Variants in NEDD4L observed in about 807,000 individuals in gnomAD.
NEDD4L encodes the protein NEDD4 like E3 ubiquitin protein ligase.
A neutral mutation model predicts 148.9 loss-of-function variants in NEDD4L; 54 were observed. The ratio of observed to expected loss-of-function variants is 0.36; its 90% CI spans 0.29 to 0.45. NEDD4L has a LOEUF of 0.45. Ranked by LOEUF, NEDD4L falls within the 20% of genes least tolerant of loss-of-function variation. NEDD4L has a pLI of 1.00. For missense variants in NEDD4L, 856 were observed against 1,233.8 expected (o/e 0.69, Z 4.59); for synonymous variants, 433 against 440.7 (o/e 0.98, Z 0.22).
At position 58,045,227 on chromosome 18, in the gene NEDD4L, G is replaced by A. The variant is rs1340827223; in HGVS notation, c.48+519G>A. On this transcript the variant is annotated intron_variant, in intron 1 of 30. Coordinates refer to ENST00000400345, the MANE Select transcript of NEDD4L (RefSeq NM_001144967.3). ...TGTGCGTGCTTATCCCGGCGGGAAT[G>A]GGGGACACGCTGCGTGTGTCCCTCC... 5.0e-5 allele frequency: 20 copies of A among 397,980 alleles called. No homozygotes were observed. The East Asian group carries it at 6.4e-4, about 13-fold the overall frequency. The allele number at this position is 397,980 out of a possible 1,614,324, so 24.7% of individuals were successfully genotyped here.
intron 2 of NEDD4L, among the ~76,000 whole-genome samples, chr18:58,205,308 G>A (rs2041872195): frequency 6.8e-6 from 1 of 146,424 alleles, no homozygotes; most frequent in African/African-American, 2.5e-5. Flanking sequence ...GTAATCTGTT[G>A]TGTTCACAAA....
At chr18:58,348,965 A>G (rs1351795267) in intron 16 of NEDD4L, among the ~76,000 whole-genome samples, 1 of 152,234 alleles carries the variant, frequency 6.6e-6, no homozygotes, top group Admixed American at 6.5e-5. Context: ...GTAAAGTTGT[A>G]TCATAACTTT....
chr18:58,107,962 C>G (rs945815201), intron 1 of NEDD4L, among the ~76,000 whole-genome samples: 1 of 152,146 alleles, frequency 6.6e-6, no homozygotes, highest in African/African-American at 2.4e-5. Context: ...TCAAGCAATC[C>G]TCCTGCCTTA....
In NEDD4L at chr18:58,069,136, CAAAAA is replaced by C. The variant is rs1161273608; in HGVS notation, c.48+24447_48+24451del. ...GTGTGATAGAGTGAGAATCTGTCTC[CAAAAA>C]AAAAAAAAAAAAAAAAAATAGGAAA... On this transcript the variant is annotated intron_variant, in intron 1 of 30. Coordinates refer to ENST00000400345, the MANE Select transcript of NEDD4L (RefSeq NM_001144967.3). Among the ~76,000 whole-genome samples the C allele has an allele frequency of 8.7e-4, 64 of 73,268 alleles. 1 individual carries two copies. In the South Asian group the frequency reaches 0.029, roughly 34 times the overall value. 48.1% of individuals were successfully genotyped at this position (73,268 alleles called of 152,430 possible).
rs540784556 is a variant in NEDD4L, at chr18:58,125,950, G to T, written c.49-39838G>T. ...GGCAGGTCCCGCCACCCGGGCATCCGTCTGCCTGGCGCACGCACCAAACGG... is the reference window on the plus strand; with the variant it reads ...GGCAGGTCCCGCCACCCGGGCATCCTTCTGCCTGGCGCACGCACCAAACGG... On this transcript the variant is annotated intron_variant, in intron 1 of 30. Transcript: ENST00000400345. Among the ~76,000 whole-genome samples the T allele has an allele frequency of 1.3e-4, 20 of 152,344 alleles. No homozygotes were observed. The East Asian group carries it at 2.9e-3, about 22-fold the overall frequency.
chr18:58,366,188 A>G lies in NEDD4L; in HGVS notation c.2023A>G (p.Met675Val). 6.2e-7 allele frequency: 1 copy of G among 1,612,914 alleles called. No homozygotes were observed. Among genetic ancestry groups the G allele is most frequent in the Non-Finnish European group, 8.5e-7 (1 of 1,179,430 alleles). The change falls in exon 21 of 31, where the codon ATG (methionine) becomes GTG (valine). Residue 675 changes from methionine (M) to valine (V), a missense_variant. Met to Val is a conservative substitution (Grantham distance 21). This residue lies in a region of NEDD4L where 286 missense variants were observed against 531.8 expected (regional missense o/e 0.54). Transcript: ENST00000400345. This position sits in a 1 kb window ranked among gnomAD's most constrained non-coding sequence, Gnocchi z 4.2. Reference protein sequence around the residue: ...REWFFLLSKEMFNPYYGLFEY... With the variant: ...REWFFLLSKEVFNPYYGLFEY... Reference sequence around the variant, plus strand: ...ATGGTTCTTCTTACTGTCCAAAGAGATGTTCAACCCCTACTACGGCCTCTT... The same window carrying G: ...ATGGTTCTTCTTACTGTCCAAAGAGGTGTTCAACCCCTACTACGGCCTCTT...
At chr18:58,230,550 A>T (rs997421790) in intron 2 of NEDD4L, among the ~76,000 whole-genome samples, 2 of 152,064 alleles carry the variant, frequency 1.3e-5, no homozygotes, top group Non-Finnish European at 2.9e-5. Flanking sequence ...AGAAAATTAG[A>T]TTTATGTGGA....
At position 58,104,337 on chromosome 18, in the gene NEDD4L, G is replaced by A. The variant is rs548832616; in HGVS notation, c.48+59629G>A. 1.2e-3 allele frequency among the ~76,000 whole-genome samples: 186 copies of A among 152,322 alleles called. 4 individuals carry two copies. The highest frequency in any genetic ancestry group is 6.8e-3 in the Middle Eastern group (2 of 294). On this transcript the variant is annotated intron_variant, in intron 1 of 30. Transcript: ENST00000400345. ...TTATCTCTAAGATCGGGGCTGGGGC[G>A]CGGTAGGGAAATGAGGAACAACTGC... is the stretch of plus-strand genomic sequence containing the variant.
chr18:58,076,419 C>T (rs1678689368), intron 1 of NEDD4L, among the ~76,000 whole-genome samples: 1 of 152,124 alleles, frequency 6.6e-6, no homozygotes, highest in African/African-American at 2.4e-5. Context: ...CTGCCCCAGG[C>T]TTGAGTCTAT....
intron 5 of NEDD4L, among the ~76,000 whole-genome samples, chr18:58,293,857 G>A (rs1287930946): frequency 6.6e-6 from 1 of 152,112 alleles, no homozygotes; most frequent in African/African-American, 2.4e-5. Context: ...CAAGTAGCTG[G>A]GACCACAGGC....
At chr18:58,092,733 T>TGA (rs1182073650) in intron 1 of NEDD4L, among the ~76,000 whole-genome samples, 1 of 151,136 alleles carries the variant, frequency 6.6e-6, no homozygotes, top group Non-Finnish European at 1.5e-5. Context: ...CAACAGCACT[T>TGA]GAGATGTGGT....
At chr18:58,287,536 T>C (rs1414646750) in intron 5 of NEDD4L, among the ~76,000 whole-genome samples, 1 of 152,222 alleles carries the variant, frequency 6.6e-6, no homozygotes, top group African/African-American at 2.4e-5. Flanking sequence ...CAAATTAAAG[T>C]AGTTAAGTTC....
At chr18:58,068,244 G>T (rs547453973) in intron 1 of NEDD4L, among the ~76,000 whole-genome samples, 1 of 144,400 alleles carries the variant, frequency 6.9e-6, no homozygotes, top group East Asian at 2.0e-4. Context: ...CTGTTGCCCA[G>T]GCTGGAGTGC....
intron 20 of NEDD4L, 31 bp downstream of exon 20, chr18:58,364,364 G>A (rs776781142): frequency 7.0e-7 from 1 of 1,422,868 alleles, no homozygotes. Context: ...AAAATGCTTT[G>A]TGTTAGTCAT....
intron 11 of NEDD4L, among the ~76,000 whole-genome samples, chr18:58,333,496 C>CAG (rs1411305905): frequency 6.6e-6 from 1 of 152,190 alleles, no homozygotes; most frequent in African/African-American, 2.4e-5. Context: ...AACTACAAGA[C>CAG]TGCTAGCTTC....
chr18:58,329,256 GAATT>G, intron 10 of NEDD4L, 129 bp downstream of exon 10: 3 of 1,058,416 alleles, frequency 2.8e-6, no homozygotes, highest in South Asian at 1.7e-5. Context: ...GTGACGCAGG[GAATT>G]AATTACCATC....
At chr18:58,234,112 T>TTTTCC (rs2045664315) in intron 2 of NEDD4L, among the ~76,000 whole-genome samples, 9 of 73,300 alleles carry the variant, frequency 1.2e-4, no homozygotes, top group Admixed American at 6.3e-4. Context: ...TTTTCTTTTC[T>TTTTCC]TTTCTTTTCC....
intron 2 of NEDD4L, among the ~76,000 whole-genome samples, chr18:58,169,519 T>A (rs1018720769): frequency 2.7e-5 from 4 of 147,936 alleles, no homozygotes; most frequent in Non-Finnish European, 5.9e-5. Context: ...GAAAAAAAAA[T>A]GGAATGTGAT....
At chr18:58,158,043 C>G (rs1383397740) in intron 1 of NEDD4L, among the ~76,000 whole-genome samples, 2 of 152,202 alleles carry the variant, frequency 1.3e-5, no homozygotes, top group Non-Finnish European at 2.9e-5. Context: ...TCCACAGTGA[C>G]TGGTATGTAG....
Sources: gnomAD v4.1 joint callset for allele counts (sites outside exome capture counted in the v4.1 genomes callset) on GRCh38, gnomAD v4.1.1 for gene constraint, gnomAD v4.1.1 regional missense constraint, Gnocchi (gnomAD v3.1) non-coding constraint, MANE v1.5 for transcripts, NCBI Gene and HGNC (gene_info 2026-07-23, HGNC 2026-07-21) for gene names.